CELF4: variants seen among roughly 807,000 people sequenced by gnomAD.
CELF4 encodes CUGBP Elav-like family member 4.
In CELF4, 18 loss-of-function variants were observed where a neutral mutation model predicts 59.9. That is an observed-to-expected ratio of 0.30 (90% CI 0.21 to 0.45). The LOEUF is 0.45. CELF4 is among the 20% of genes least tolerant of loss of function. The pLI is 1.00. For synonymous variants in CELF4, 261 were observed against 267.1 expected (o/e 0.98, Z 0.22); for missense variants, 456 against 689.0 (o/e 0.66, Z 3.79).
intron 2 of CELF4, among the ~76,000 whole-genome samples, chr18:37,418,232 G>C (rs994035357): frequency 6.6e-6 from 1 of 152,222 alleles, no homozygotes; most frequent in Non-Finnish European, 1.5e-5. Context: ...ACACAAACCA[G>C]AGGTGGGCAG....
intron 2 of CELF4, among the ~76,000 whole-genome samples, chr18:37,348,995 T>C (rs867400511): frequency 1.9e-4 from 29 of 152,270 alleles, no homozygotes; most frequent in Middle Eastern, 3.4e-3. Flanking sequence ...TGACCTTGCC[T>C]GCTTTGCTGA....
At chr18:37,330,486 G>A (rs1296256503) in intron 2 of CELF4, among the ~76,000 whole-genome samples, 1 of 152,210 alleles carries the variant, frequency 6.6e-6, no homozygotes, top group African/African-American at 2.4e-5. Flanking sequence ...GTTCCATAGA[G>A]AGGGGTTAGA....
At chr18:37,460,994 A>C (rs146806108) in intron 2 of CELF4, among the ~76,000 whole-genome samples, 105 of 152,366 alleles carry the variant, frequency 6.9e-4, no homozygotes, top group African/African-American at 2.5e-3. Flanking sequence ...CATACAATAC[A>C]TCACATGCTA....
chr18:37,361,962 G>A (rs2098710652), intron 2 of CELF4, among the ~76,000 whole-genome samples: 1 of 152,176 alleles, frequency 6.6e-6, no homozygotes, highest in Non-Finnish European at 1.5e-5. Context: ...GGGCACTGAG[G>A]CCAGGCCAAG....
chr18:37,499,930 C>A (rs745813928), intron 1 of CELF4, among the ~76,000 whole-genome samples: 1 of 152,148 alleles, frequency 6.6e-6, no homozygotes, highest in Non-Finnish European at 1.5e-5. Context: ...CTTTTACACA[C>A]CAGGGAAAGG....
intron 11 of CELF4, among the ~76,000 whole-genome samples, chr18:37,258,748 C>A (rs916087220): frequency 1.3e-5 from 2 of 152,132 alleles, no homozygotes; most frequent in African/African-American, 4.8e-5. Context: ...CGGGCTCAGG[C>A]CAGGCCACTC....
intron 2 of CELF4, among the ~76,000 whole-genome samples, 189 bp from the exon 3 acceptor site, chr18:37,322,070 C>T (rs867570711): frequency 1.1e-4 from 17 of 152,240 alleles, no homozygotes; most frequent in Admixed American, 8.5e-4. Context: ...ACGGCACGGC[C>T]CCATGGCCCC....
At chr18:37,352,930 A>G (rs935908232) in intron 2 of CELF4, among the ~76,000 whole-genome samples, 3 of 151,776 alleles carry the variant, frequency 2.0e-5, no homozygotes, top group Non-Finnish European at 4.4e-5. Flanking sequence ...GAGAACAAGA[A>G]CCCTTTCTTG....
At chr18:37,297,015 A>G (rs2095686150) in intron 3 of CELF4, among the ~76,000 whole-genome samples, 1 of 152,166 alleles carries the variant, frequency 6.6e-6, no homozygotes, top group African/African-American at 2.4e-5. Flanking sequence ...GCCTACAACC[A>G]GAAATCAACT....
At chr18:37,431,525 G>GC (rs2099665930) in intron 2 of CELF4, among the ~76,000 whole-genome samples, 1 of 151,656 alleles carries the variant, frequency 6.6e-6, no homozygotes. Flanking sequence ...CCGCCACCAC[G>GC]CCCAGCTAAT....
At chr18:37,556,454 T>G (rs543837488) in intron 1 of CELF4, among the ~76,000 whole-genome samples, 1 of 152,348 alleles carries the variant, frequency 6.6e-6, no homozygotes, top group East Asian at 1.9e-4. Context: ...ATTTATTACA[T>G]GGTGAGATGT....
At chr18:37,517,193 C>T (rs753099965) in intron 1 of CELF4, among the ~76,000 whole-genome samples, 11 of 152,164 alleles carry the variant, frequency 7.2e-5, no homozygotes, top group South Asian at 2.1e-4. Flanking sequence ...CTGAGTGTCC[C>T]GTCCCCTCTC....
intron 2 of CELF4, among the ~76,000 whole-genome samples, chr18:37,330,161 C>T (rs751186010): frequency 1.3e-5 from 2 of 152,184 alleles, no homozygotes; most frequent in African/African-American, 2.4e-5. Flanking sequence ...TCTCCAGAGA[C>T]CCCGCCCTCC....
chr18:37,356,173 G>T (rs946244382), intron 2 of CELF4, among the ~76,000 whole-genome samples: 2 of 152,218 alleles, frequency 1.3e-5, no homozygotes, highest in African/African-American at 4.8e-5. Context: ...CCAATGGACA[G>T]AACCACCATG....
chr18:37,539,472 A>ACACAC (rs2099976149), intron 1 of CELF4, among the ~76,000 whole-genome samples: 6 of 106,748 alleles, frequency 5.6e-5, no homozygotes, highest in Non-Finnish European at 9.8e-5. Flanking sequence ...CACACACACA[A>ACACAC]ACACACACAC....
In CELF4 at chr18:37,476,567, A is replaced by G. The variant is rs371484527; in HGVS notation, c.369+8958T>C. ...ATAAAGAACAATGCCATTTTTTTCT[A>G]TTATCACCCAGGCTTGCCCATTTTT... On this transcript the variant is annotated intron_variant, in intron 2 of 12. Transcript: ENST00000420428. 2.3e-3 allele frequency among the ~76,000 whole-genome samples: 351 copies of G among 152,198 alleles called. 1 individual carries two copies. The highest frequency in any genetic ancestry group is 7.8e-3 in the African/African-American group (322 of 41,522).
chr18:37,470,836 CTGTGTGTGTGTGTG>C (rs71381583), intron 2 of CELF4, among the ~76,000 whole-genome samples: 2,066 of 93,182 alleles, frequency 0.022, 77 homozygotes, highest in African/African-American at 0.075. Context: ...CTTCATGACT[CTGTGTGTGTGTGTG>C]TGTGTGTGTG....
chr18:37,538,801 C>T lies in CELF4; in HGVS notation c.286+26555G>A, dbSNP rs140479318. Among the ~76,000 whole-genome samples, 657 of 152,334 alleles carry T rather than the reference C, an allele frequency of 4.3e-3. 5 individuals carry two copies. The highest frequency in any genetic ancestry group is 0.014 in the African/African-American group (597 of 41,582). ...TACTTACGGGGTTCTCTCTCCCTCA[C>T]TCAGCAGCACATTTCCCAGAGCCCG... On this transcript the variant is annotated intron_variant, in intron 1 of 12. Transcript: ENST00000420428.
At chr18:37,360,118 G>T (rs1218437621) in intron 2 of CELF4, among the ~76,000 whole-genome samples, 3 of 152,190 alleles carry the variant, frequency 2.0e-5, no homozygotes, top group African/African-American at 7.2e-5. Flanking sequence ...CTCCCAAAGT[G>T]CTGGGATTGC....
Sources: gnomAD v4.1 joint callset for allele counts (sites outside exome capture counted in the v4.1 genomes callset) on GRCh38, gnomAD v4.1.1 for gene constraint, MANE v1.5 for transcripts, NCBI Gene and HGNC (gene_info 2026-07-23, HGNC 2026-07-21) for gene names.